Variants in MPDZ observed in about 807,000 individuals in gnomAD.
MPDZ encodes multiple PDZ domain crumbs cell polarity complex component, also known as multiple PDZ domain protein.
MPDZ carries 234 observed loss-of-function variants against 239.1 expected under a neutral mutation model. The observed-to-expected ratio is 0.98, with a 90% CI of 0.88 to 1.09. The LOEUF (loss-of-function observed/expected upper bound fraction) is 1.09, where lower values mean the gene tolerates loss of function less well. MPDZ is among the 50% of genes least tolerant of loss of function. MPDZ has a pLI of 0.00. For synonymous variants in MPDZ, 1,048 were observed against 881.3 expected (o/e 1.19, Z -3.35); for missense variants, 3,175 against 2,510.0 (o/e 1.26, Z -5.66).
chr9:13,110,310 G>A (rs555635482), intron 44 of MPDZ, among the ~76,000 whole-genome samples: 33 of 152,186 alleles, frequency 2.2e-4, no homozygotes, highest in African/African-American at 6.7e-4. Flanking sequence ...TTAAAATGTG[G>A]TCTCATATGT....
At chr9:13,243,796 G>A (rs1272959551) in intron 3 of MPDZ, among the ~76,000 whole-genome samples, 1 of 152,144 alleles carries the variant, frequency 6.6e-6, no homozygotes, top group Non-Finnish European at 1.5e-5. Context: ...ATATGTGTAA[G>A]CCTACACTTT....
intron 3 of MPDZ, among the ~76,000 whole-genome samples, chr9:13,236,001 T>C (rs1018238213): frequency 3.3e-5 from 5 of 151,868 alleles, no homozygotes; most frequent in African/African-American, 1.2e-4. Context: ...CTATAGACTT[T>C]AGCTTTTATA....
chr9:13,125,794 T>C (rs777837822), intron 34 of MPDZ, among the ~76,000 whole-genome samples: 1 of 152,182 alleles, frequency 6.6e-6, no homozygotes, highest in African/African-American at 2.4e-5. Flanking sequence ...GAAACACATA[T>C]GTTAGAAGCA....
chr9:13,155,480 C>T (rs568124644), intron 24 of MPDZ, among the ~76,000 whole-genome samples: 2 of 151,976 alleles, frequency 1.3e-5, no homozygotes, highest in East Asian at 1.9e-4. Flanking sequence ...TGCAACACAA[C>T]AACTAAATTG....
At chr9:13,124,661 G>C (rs1944858992) in intron 35 of MPDZ, among the ~76,000 whole-genome samples, 1 of 152,112 alleles carries the variant, frequency 6.6e-6, no homozygotes, top group Non-Finnish European at 1.5e-5. Flanking sequence ...TTTCCATTAT[G>C]ACAGGACCCA....
At chr9:13,154,783 A>G (rs1190692356) in intron 24 of MPDZ, among the ~76,000 whole-genome samples, 4 of 152,168 alleles carry the variant, frequency 2.6e-5, no homozygotes, top group Admixed American at 1.3e-4. Flanking sequence ...ATCCTGTTAT[A>G]CCTACCACAC....
intron 29 of MPDZ, 35 bp downstream of exon 29, chr9:13,137,922 C>A: frequency 6.2e-7 from 1 of 1,602,948 alleles, no homozygotes; most frequent in South Asian, 1.1e-5. Context: ...CCTTATAAAA[C>A]AAGAATAAAT....
intron 26 of MPDZ, among the ~76,000 whole-genome samples, chr9:13,145,104 T>G (rs1948252203): frequency 6.6e-6 from 1 of 152,092 alleles, no homozygotes; most frequent in South Asian, 2.1e-4. Context: ...GATTAGAATT[T>G]GGCCCTGATA....
chr9:13,216,783 T>C lies in MPDZ; in HGVS notation c.1281A>G (p.Gln427=). 1 of 1,605,262 alleles carries C rather than the reference T, an allele frequency of 6.2e-7. No individual in the cohort carries two copies. The highest frequency in any genetic ancestry group is 8.5e-7 in the Non-Finnish European group (1 of 1,173,954). Residue 427 remains glutamine (Q), a synonymous_variant, in exon 10 of 47, where the codon CAA becomes CAG. Transcript: ENST00000319217. ...EHDGRIQIGD[Q]IIAVDGTNLQ... Reference sequence around the variant, plus strand: ...TAAATGTGTAACTTACTGCTATAATTTGGTCTCCAATTTGGATTCTTCCAT... The same window carrying C: ...TAAATGTGTAACTTACTGCTATAATCTGGTCTCCAATTTGGATTCTTCCAT...
intron 38 of MPDZ, 176 bp from the exon 39 acceptor site, chr9:13,119,825 C>T (rs1563836549): frequency 1.5e-6 from 1 of 664,304 alleles, no homozygotes; most frequent in Non-Finnish European, 2.6e-6. Flanking sequence ...TAAATAACAG[C>T]TTATGTCTTA....
Position 13,222,278 on chromosome 9 carries a change from G to C in MPDZ, c.702C>G (p.Ser234=), listed in dbSNP as rs752869550. The C allele has an allele frequency of 3.7e-6, 6 of 1,612,676 alleles. No homozygotes were observed. In the East Asian group the frequency reaches 1.3e-4, roughly 36 times the overall value. Residue 234 remains serine (S), a synonymous_variant, in exon 6 of 47, where the codon TCC becomes TCG. Coordinates refer to ENST00000319217, the MANE Select transcript of MPDZ (RefSeq NM_001378778.1). The part of the protein sequence containing the change: ...SLPQLVSPIV[S]RSPSAASTIS... ...TTGTGCTGGCTGCAGATGGAGAACG[G>C]GAAACTATGGGGCTGACAAGCTGAG...
chr9:13,121,112 T>C (rs57130961), intron 38 of MPDZ, among the ~76,000 whole-genome samples: 11,634 of 152,252 alleles, frequency 0.076, 1,508 homozygotes, highest in African/African-American at 0.27. Context: ...TTGTGAATTT[T>C]TGCGCATTCA....
At chr9:13,238,931 T>A (rs1015915660) in intron 3 of MPDZ, among the ~76,000 whole-genome samples, 3 of 152,186 alleles carry the variant, frequency 2.0e-5, no homozygotes, top group Non-Finnish European at 2.9e-5. Flanking sequence ...ACTGTGATTT[T>A]TAAATAAATA....
chr9:13,125,551 G>T (rs1287234110), intron 34 of MPDZ, among the ~76,000 whole-genome samples, 161 bp from the exon 35 acceptor site: 2 of 152,150 alleles, frequency 1.3e-5, no homozygotes, highest in Admixed American at 6.5e-5. Flanking sequence ...GAAAGAAATG[G>T]CTCTAGTTTC....
intron 6 of MPDZ, 54 bp from the exon 7 acceptor site, chr9:13,221,554 T>C (rs925169227): frequency 1.3e-5 from 20 of 1,563,268 alleles, no homozygotes; most frequent in Non-Finnish European, 1.7e-5. Flanking sequence ...CACTACCATT[T>C]TACATTACAG....
intron 3 of MPDZ, among the ~76,000 whole-genome samples, chr9:13,226,545 A>G (rs11793739): frequency 1.3e-3 from 198 of 152,078 alleles, no homozygotes; most frequent in Non-Finnish European, 1.4e-3. Context: ...TTCTTCCCCA[A>G]ATATCCACAT....
At chr9:13,186,417 G>A in intron 17 of MPDZ, 31 bp from the exon 18 acceptor site, 1 of 1,408,626 alleles carries the variant, frequency 7.1e-7, no homozygotes, top group Non-Finnish European at 9.8e-7. Flanking sequence ...TCATGGAAAA[G>A]AGAGAGAACA....
chr9:13,238,709 C>G (rs915676907), intron 3 of MPDZ, among the ~76,000 whole-genome samples: 10 of 152,164 alleles, frequency 6.6e-5, no homozygotes, highest in African/African-American at 2.4e-4. Flanking sequence ...CCACAATTAT[C>G]TGAAAAGCTG....
At position 13,224,377 on chromosome 9, in the gene MPDZ, G is replaced by A. The variant is rs775420812; in HGVS notation, c.390C>T (p.Ala130=). Reference sequence around the variant, plus strand: ...TAACAGAAAGAAATGTTCTTACCTGGGCCATATTTTTGATAAGCTGATCAA... The same window carrying A: ...TAACAGAAAGAAATGTTCTTACCTGAGCCATATTTTTGATAAGCTGATCAA... ...DEFDQLIKNM[A]QGRHVEVFEL... The change falls in exon 4 of 47, where the codon GCC becomes GCT. Residue 130 remains alanine, a synonymous_variant. Coordinates refer to ENST00000319217, the MANE Select transcript of MPDZ (RefSeq NM_001378778.1). 6 of 1,609,840 alleles carry A rather than the reference G, an allele frequency of 3.7e-6. No individual in the cohort carries two copies. The South Asian group carries it at 4.4e-5, about 12-fold the overall frequency.
Sources: allele counts gnomAD v4.1 joint callset (sites outside exome capture counted in the v4.1 genomes callset), GRCh38; gene constraint gnomAD v4.1.1; transcripts MANE v1.5; gene names NCBI Gene and HGNC (gene_info 2026-07-23, HGNC 2026-07-21).